CSMD3: variants seen among roughly 807,000 people sequenced by gnomAD.
CSMD3 encodes CUB and sushi domain-containing protein 3.
Under a neutral mutation model 435.2 loss-of-function variants are expected in CSMD3, and 177 were observed. The ratio of observed to expected loss-of-function variants is 0.41; its 90% confidence interval spans 0.36 to 0.46. CSMD3 has a LOEUF of 0.46. CSMD3 is among the 20% of genes least tolerant of loss of function. The probability of loss-of-function intolerance (pLI) is 0.34; values close to 1 mark genes in which losing one functional copy is unlikely to be tolerated. For missense variants in CSMD3, 4,265 were observed against 4,504.6 expected (o/e 0.95, Z 1.52); for synonymous variants, 1,656 against 1,520.5 (o/e 1.09, Z -2.07).
chr8:112,330,411 T>C (rs140317679), intron 45 of CSMD3, among the ~76,000 whole-genome samples: 289 of 152,252 alleles, frequency 1.9e-3, no homozygotes, highest in Non-Finnish European at 3.3e-3. Flanking sequence ...CCCTAGTACA[T>C]TGATATTAGA....
At chr8:113,401,817 T>C (rs2094511488) in intron 1 of CSMD3, among the ~76,000 whole-genome samples, 1 of 151,632 alleles carries the variant, frequency 6.6e-6, no homozygotes, top group Non-Finnish European at 1.5e-5. Context: ...TAAATATGTT[T>C]AGATACACAA....
At chr8:113,375,816 A>T (rs7843570) in intron 1 of CSMD3, among the ~76,000 whole-genome samples, 1 of 151,912 alleles carries the variant, frequency 6.6e-6, no homozygotes, top group Non-Finnish European at 1.5e-5. Flanking sequence ...ATGAAGTAAG[A>T]GCAAGCCAGG....
intron 8 of CSMD3, among the ~76,000 whole-genome samples, chr8:112,952,350 C>G (rs774117734): frequency 9.9e-5 from 15 of 151,462 alleles, no homozygotes; most frequent in Non-Finnish European, 2.1e-4. Flanking sequence ...TGGGCCGTGC[C>G]CATCATAGAA....
intron 23 of CSMD3, among the ~76,000 whole-genome samples, chr8:112,578,136 C>CA (rs1391378534): frequency 6.6e-6 from 1 of 151,818 alleles, no homozygotes; most frequent in South Asian, 2.1e-4. Flanking sequence ...AATGGTCAAT[C>CA]AAAAAAGTCT....
intron 13 of CSMD3, among the ~76,000 whole-genome samples, chr8:112,695,496 A>G (rs2076231265): frequency 6.6e-6 from 1 of 152,204 alleles, no homozygotes; most frequent in Non-Finnish European, 1.5e-5. Flanking sequence ...GATTATCTCA[A>G]TAGATGCAGA....
intron 58 of CSMD3, among the ~76,000 whole-genome samples, chr8:112,281,753 A>C (rs1818669938): frequency 6.6e-6 from 1 of 152,162 alleles, no homozygotes; most frequent in Non-Finnish European, 1.5e-5. Context: ...GATTTATTAC[A>C]TTTATATTTC....
chr8:112,667,790 C>T (rs2075561461), intron 16 of CSMD3, among the ~76,000 whole-genome samples: 1 of 152,206 alleles, frequency 6.6e-6, no homozygotes, highest in South Asian at 2.1e-4. Context: ...ACTAGATCAA[C>T]TTTTTAATAC....
chr8:113,225,403 C>A (rs1397813400), intron 3 of CSMD3, among the ~76,000 whole-genome samples: 1 of 151,460 alleles, frequency 6.6e-6, no homozygotes, highest in Non-Finnish European at 1.5e-5. Context: ...TGTCCCATTT[C>A]TTTTATCTCA....
At chr8:112,939,438 T>C (rs1467926808) in intron 9 of CSMD3, among the ~76,000 whole-genome samples, 1 of 152,080 alleles carries the variant, frequency 6.6e-6, no homozygotes, top group Non-Finnish European at 1.5e-5. Context: ...AGTCCTTCAC[T>C]GTGGCATTTC....
chr8:112,433,654 CAAAA>C (rs35572894), intron 32 of CSMD3, among the ~76,000 whole-genome samples: 7 of 93,206 alleles, frequency 7.5e-5, no homozygotes, highest in East Asian at 3.2e-4. Context: ...GAGAACCTGT[CAAAA>C]AAAAAAAAAA....
intron 11 of CSMD3, among the ~76,000 whole-genome samples, chr8:112,830,764 G>A (rs563757778): frequency 5.3e-5 from 8 of 150,092 alleles, no homozygotes; most frequent in African/African-American, 1.7e-4. Flanking sequence ...TTATATCTTG[G>A]CTTTTTTTTG....
chr8:112,502,672 A>G (rs929100715), intron 30 of CSMD3, among the ~76,000 whole-genome samples: 1 of 151,954 alleles, frequency 6.6e-6, no homozygotes, highest in Admixed American at 6.6e-5. Flanking sequence ...GTAATATTTG[A>G]TTTTTTAAAG....
intron 30 of CSMD3, among the ~76,000 whole-genome samples, chr8:112,500,892 C>G (rs1821875868): frequency 1.5e-5 from 1 of 64,548 alleles, no homozygotes; most frequent in South Asian, 4.2e-4. Flanking sequence ...CCAGGCAAAG[C>G]CTCCTTTTGC....
rs2077553173 is a variant in CSMD3, at chr8:112,750,852, T to C, written c.1972+49310A>G. Among the ~76,000 whole-genome samples, 4 of 152,118 alleles carry C rather than the reference T, an allele frequency of 2.6e-5. No homozygotes were observed. The South Asian group carries it at 8.3e-4, about 31-fold the overall frequency. ...CTTGAACAGCACAGATTTGAACTGT[T>C]TGAGTCCACTTATATGTGGCCTTTT... On this transcript the variant is annotated intron_variant, in intron 13 of 70. Coordinates refer to ENST00000297405, the MANE Select transcript of CSMD3 (RefSeq NM_198123.2).
chr8:112,664,540 T>C (rs1394566040), intron 17 of CSMD3, among the ~76,000 whole-genome samples: 1 of 152,174 alleles, frequency 6.6e-6, no homozygotes, highest in Non-Finnish European at 1.5e-5. Context: ...GCCAAATGAA[T>C]GTAAATGAAA....
At chr8:112,949,938 T>C (rs932984824) in intron 8 of CSMD3, among the ~76,000 whole-genome samples, 2 of 152,022 alleles carry the variant, frequency 1.3e-5, no homozygotes, top group Non-Finnish European at 2.9e-5. Flanking sequence ...CTATCTAATA[T>C]TCAAGACTTA....
chr8:112,689,325 A>G (rs1178397087), intron 14 of CSMD3, among the ~76,000 whole-genome samples: 3 of 152,068 alleles, frequency 2.0e-5, no homozygotes, highest in Admixed American at 1.3e-4. Flanking sequence ...TTAAACTGCA[A>G]TATCTTAATG....
chr8:113,120,380 A>G (rs939484469), intron 4 of CSMD3, among the ~76,000 whole-genome samples: 2 of 152,232 alleles, frequency 1.3e-5, no homozygotes, highest in South Asian at 2.1e-4. Flanking sequence ...TCAATGATAG[A>G]TTTATATGCA....
chr8:113,300,565 T>A (rs1473128051), intron 2 of CSMD3, among the ~76,000 whole-genome samples: 1 of 152,110 alleles, frequency 6.6e-6, no homozygotes, highest in Admixed American at 6.6e-5. Context: ...GAGGCCATTA[T>A]CCTAAGCAAA....
Sources: gnomAD v4.1 joint callset for allele counts (sites outside exome capture counted in the v4.1 genomes callset) on GRCh38, gnomAD v4.1.1 for gene constraint, MANE v1.5 for transcripts, NCBI Gene and HGNC (gene_info 2026-07-23, HGNC 2026-07-21) for gene names.